Variants in BANP observed in about 807,000 individuals in gnomAD.
BANP encodes BTG3 associated nuclear protein.
In BANP, 11 loss-of-function variants were observed where a neutral mutation model predicts 68.1. The ratio of observed to expected loss-of-function variants is 0.16; its 90% CI spans 0.10 to 0.27. BANP has a LOEUF of 0.27. BANP is among the 10% of genes least tolerant of loss of function. The probability of loss-of-function intolerance (pLI) is 1.00; values close to 1 mark genes in which losing one functional copy is unlikely to be tolerated. For missense variants in BANP, 504 were observed against 722.7 expected, an observed-to-expected ratio of 0.70 and a Z score of 3.47; for synonymous variants, 329 against 303.2, an observed-to-expected ratio of 1.09 and a Z score of -0.88.
chr16:87,988,026 C>T (rs995756318), intron 4 of BANP, among the ~76,000 whole-genome samples: 1 of 152,058 alleles, frequency 6.6e-6, no homozygotes, highest in African/African-American at 2.4e-5. Context: ...AAATTGCCAA[C>T]AGTTGAAAGC....
At position 88,036,228 on chromosome 16, in the gene BANP, A is replaced by G. The variant is rs536056248; in HGVS notation, c.1272+834A>G. On this transcript the variant is annotated intron_variant, in intron 10 of 13. Transcript: ENST00000682872. This position sits in a 1 kb window ranked among gnomAD's most constrained non-coding sequence, Gnocchi z 4.2. ...ACATGGCTGTTTCTAGGTCGTGACA[A>G]TGGCACCAGCTTTGTGTTTGGTGCA... 2.0e-5 allele frequency among the ~76,000 whole-genome samples: 3 copies of G among 152,304 alleles called. No homozygotes were observed. The highest frequency in any genetic ancestry group is 1.9e-4 in the East Asian group (1 of 5,178).
chr16:88,015,703 G>A (rs2074378107), intron 6 of BANP, among the ~76,000 whole-genome samples: 1 of 152,244 alleles, frequency 6.6e-6, no homozygotes, highest in East Asian at 1.9e-4. Context: ...GAGGAGCGGG[G>A]CCGAGGTCTC....
chr16:88,052,864 A>T (rs1001851182), intron 11 of BANP, among the ~76,000 whole-genome samples: 1 of 151,540 alleles, frequency 6.6e-6, no homozygotes, highest in African/African-American at 2.4e-5. Flanking sequence ...AACCACCCTA[A>T]CAATCACTAC....
In BANP at chr16:87,983,964, G is replaced by A. The variant is rs551862323; in HGVS notation, c.163-96G>A. On this transcript the variant is annotated intron_variant, in intron 3 of 13. Transcript: ENST00000682872. ...GGGGATTGTTCTGTCTGAATAGATA[G>A]AGTTGAGATCAGGAAATAGCTGTTT... The A allele has an allele frequency of 1.0e-3, 1,446 of 1,438,174 alleles. 4 individuals carry two copies. The highest frequency in any genetic ancestry group is 7.0e-4 in the Non-Finnish European group (755 of 1,073,382). 89.1% of individuals were successfully genotyped at this position (1,438,174 alleles called of 1,614,324 possible). A position where few individuals can be genotyped will look rare whatever the true frequency, so the allele number is the denominator to read the frequency against.
chr16:88,053,406 C>G, intron 11 of BANP, among the ~76,000 whole-genome samples: 1 of 151,788 alleles, frequency 6.6e-6, no homozygotes, highest in Non-Finnish European at 1.5e-5. Context: ...CCATCACCAA[C>G]ACAACCACCT....
Position 88,073,767 on chromosome 16 carries a change from C to T in BANP, c.1521+1555C>T, listed in dbSNP as rs908892404. 3.3e-5 allele frequency among the ~76,000 whole-genome samples: 5 copies of T among 152,218 alleles called. No individual in the cohort carries two copies. In the South Asian group the frequency reaches 6.2e-4, roughly 19 times the overall value. On this transcript the variant is annotated intron_variant, in intron 13 of 13. Coordinates refer to ENST00000682872, the MANE Select transcript of BANP (RefSeq NM_001386991.1). ...TAGATGTGGGGGCCATGCCTGAGGG[C>T]GTCCTGCTGCATTATAAGTTTCTGG... is the stretch of plus-strand genomic sequence containing the variant.
At chr16:87,991,845 A>G (rs1046051280) in intron 4 of BANP, among the ~76,000 whole-genome samples, 7 of 152,136 alleles carry the variant, frequency 4.6e-5, no homozygotes, top group Non-Finnish European at 7.4e-5. Flanking sequence ...GCTTCTTCCT[A>G]TAGAATTTCT....
chr16:87,981,118 A>G lies in BANP; in HGVS notation c.153A>G (p.Pro51=). 1 of 1,613,764 alleles carries G rather than the reference A, an allele frequency of 6.2e-7. No homozygotes were observed. Among genetic ancestry groups the G allele is most frequent in the South Asian group, 1.1e-5 (1 of 91,084 alleles). ...RQRLEINCQD[P]SIKSFLYSIN... ...GACTAGAAATCAATTGCCAGGATCC[A>G]TCTATAAAGGTAAAAATCTGACTCT... Residue 51 remains proline (P), a synonymous_variant, in exon 3 of 14, where the codon CCA becomes CCG. Coordinates refer to ENST00000682872, the MANE Select transcript of BANP (RefSeq NM_001386991.1).
rs372171209 is a variant in BANP, at chr16:88,051,555, C to T, written c.1311+13544C>T. Among the ~76,000 whole-genome samples the T allele has an allele frequency of 4.7e-4, 71 of 152,304 alleles. 1 individual carries two copies. The South Asian group carries it at 0.013, about 28-fold the overall frequency. On this transcript the variant is annotated intron_variant, in intron 11 of 13. Transcript: ENST00000682872. The stretch of plus-strand genomic sequence containing the variant: ...CAGTGCTGAGCGCGATGTGTTCCCA[C>T]GTAGACATGGATTTGGTGAGCCACG...
chr16:87,982,165 T>C (rs1384100758), intron 3 of BANP, among the ~76,000 whole-genome samples: 1 of 152,224 alleles, frequency 6.6e-6, no homozygotes, highest in African/African-American at 2.4e-5. Context: ...AAAACGCAGC[T>C]CTGATTTTAT....
rs1225062038 is a variant in BANP at position 88,036,935 on chromosome 16, G to T, written c.1273-1038G>T. Among the ~76,000 whole-genome samples, 2 of 152,166 alleles carry T rather than the reference G, an allele frequency of 1.3e-5. No homozygotes were observed. The highest frequency in any genetic ancestry group is 1.9e-4 in the East Asian group (1 of 5,180). ...AGGAGTTGGGGGCCTGAGTGGCTGCGAGGTGCAGGATCCCAGCAGCACCTT... is the reference window on the plus strand; with the variant it reads ...AGGAGTTGGGGGCCTGAGTGGCTGCTAGGTGCAGGATCCCAGCAGCACCTT... On this transcript the variant is annotated intron_variant, in intron 10 of 13. Transcript: ENST00000682872. The surrounding 1 kb of genome is among the most constrained non-coding windows in gnomAD (Gnocchi z 4.2).
At chr16:88,005,934 A>G (rs1037733209) in intron 5 of BANP, among the ~76,000 whole-genome samples, 156 bp from the exon 6 acceptor site, 2 of 152,036 alleles carry the variant, frequency 1.3e-5, no homozygotes, top group Non-Finnish European at 2.9e-5. Context: ...TCTCCCATGG[A>G]GTTTCTATTA....
intron 12 of BANP, among the ~76,000 whole-genome samples, chr16:88,066,715 T>G (rs4843785): frequency 6.6e-6 from 1 of 152,100 alleles, no homozygotes; most frequent in Non-Finnish European, 1.5e-5. Context: ...ACTGAAAACA[T>G]TGAATCATTT....
At chr16:88,053,848 A>G (rs1449536528) in intron 11 of BANP, among the ~76,000 whole-genome samples, 1 of 138,734 alleles carries the variant, frequency 7.2e-6, no homozygotes, top group Non-Finnish European at 1.6e-5. Context: ...AACAACCACT[A>G]CCACCCCCAC....
chr16:87,980,862 G>A, intron 2 of BANP, 174 bp from the exon 3 acceptor site: 1 of 587,412 alleles, frequency 1.7e-6, no homozygotes, highest in Non-Finnish European at 3.0e-6. Context: ...GGATTAAGGA[G>A]TTATCCTGTT....
Position 88,057,731 on chromosome 16 carries a change from A to C in BANP, c.1312-7536A>C, listed in dbSNP as rs924349942. On this transcript the variant is annotated intron_variant, in intron 11 of 13. Transcript: ENST00000682872. This position sits in a 1 kb window ranked among gnomAD's most constrained non-coding sequence, Gnocchi z 4.6. Reference sequence around the variant, plus strand: ...GTCTGACTTCTGACAAGTAAGAGAGATGGCGGGGCCATCTGGGTGGGGCGG... The same window carrying C: ...GTCTGACTTCTGACAAGTAAGAGAGCTGGCGGGGCCATCTGGGTGGGGCGG... 9.5e-5 allele frequency among the ~76,000 whole-genome samples: 8 copies of C among 84,640 alleles called. No homozygotes were observed. Among genetic ancestry groups the C allele is most frequent in the Middle Eastern group, 6.6e-3 (1 of 152 alleles). 55.5% of individuals were successfully genotyped at this position (84,640 alleles called of 152,430 possible).
rs1254535424 is a variant in BANP, at chr16:88,019,173, C to G, written c.895+506C>G. On this transcript the variant is annotated intron_variant, in intron 7 of 13. Transcript: ENST00000682872. ...GAGCTCCAAAGCCTGATTTTCGTGCCCAGCCCGGCCTGTGACGTCTCCGTC... is the reference window on the plus strand; with the variant it reads ...GAGCTCCAAAGCCTGATTTTCGTGCGCAGCCCGGCCTGTGACGTCTCCGTC... Among the ~76,000 whole-genome samples the G allele has an allele frequency of 2.0e-5, 3 of 152,146 alleles. No individual in the cohort carries two copies. In the East Asian group the frequency reaches 5.8e-4, roughly 30 times the overall value.
chr16:88,024,026 G>A (rs1464387396), intron 7 of BANP, among the ~76,000 whole-genome samples: 1 of 151,716 alleles, frequency 6.6e-6, no homozygotes. Context: ...GCCGGATGCC[G>A]AGCACTTCTG....
intron 10 of BANP, 118 bp downstream of exon 10, chr16:88,035,512 A>T: frequency 2.1e-6 from 2 of 972,418 alleles, no homozygotes; most frequent in Non-Finnish European, 3.1e-6. Context: ...GAACGTGGGC[A>T]AGGGCTGCAG....
Sources: gnomAD v4.1 joint callset for allele counts (sites outside exome capture counted in the v4.1 genomes callset) on GRCh38, gnomAD v4.1.1 for gene constraint, Gnocchi (gnomAD v3.1) non-coding constraint, MANE v1.5 for transcripts, NCBI Gene and HGNC (gene_info 2026-07-23, HGNC 2026-07-21) for gene names.